Variants in GSDME observed in about 807,000 individuals in gnomAD.
GSDME encodes gasdermin-E.
In GSDME, 44 loss-of-function variants were observed where a neutral mutation model predicts 47.5. That is an observed-to-expected ratio of 0.93 (90% CI 0.73 to 1.19). The LOEUF (loss-of-function observed/expected upper bound fraction) is 1.19. Among genes scored for constraint, GSDME ranks in the 50% most tolerant of loss-of-function variants. The probability of loss-of-function intolerance (pLI) is 0.00; values close to 1 mark genes in which losing one functional copy is unlikely to be tolerated. For missense variants in GSDME, 663 were observed against 604.2 expected, an observed-to-expected ratio of 1.10 and a Z score of -1.02; for synonymous variants, 258 against 252.8, an observed-to-expected ratio of 1.02 and a Z score of -0.20.
At chr7:24,715,937 C>T (rs116124588) in intron 5 of GSDME, among the ~76,000 whole-genome samples, 226 of 152,320 alleles carry the variant, frequency 1.5e-3, no homozygotes, top group African/African-American at 5.2e-3. Flanking sequence ...TTCTGTGCCT[C>T]GCCTGTTTCT....
rs113293546 is a variant in GSDME at position 24,732,294 on chromosome 7, T to C, written c.404+12268A>G. Among the ~76,000 whole-genome samples, 5 of 152,330 alleles carry C rather than the reference T, an allele frequency of 3.3e-5. No individual in the cohort carries two copies. Among genetic ancestry groups the C allele is most frequent in the African/African-American group, 1.2e-4 (5 of 41,570 alleles). On this transcript the variant is annotated intron_variant, in intron 3 of 9. Transcript: ENST00000645220. This position sits in a 1 kb window ranked among gnomAD's most constrained non-coding sequence, Gnocchi z 4.8. ...TAGGAAGGAAGCCCAGTTCAAACTT[T>C]GTTTTTTCCAAGAAAGACATGGCTC... is the stretch of plus-strand genomic sequence containing the variant.
intron 3 of GSDME, among the ~76,000 whole-genome samples, chr7:24,719,821 T>C (rs1789709306): frequency 6.6e-6 from 1 of 151,266 alleles, no homozygotes; most frequent in East Asian, 1.9e-4. Context: ...AAAAGAAAAC[T>C]AACCAGGAAG....
chr7:24,795,526 AGGGGTACGTGACTGGG>A, the GSDME span, among the ~76,000 whole-genome samples: 1 of 152,158 alleles, frequency 6.6e-6, no homozygotes, highest in Non-Finnish European at 1.5e-5. Context: ...TTGAGCAAGC[AGGGGTACGTGACTGGG>A]GGCTGCATGC....
rs182472908 is a variant in GSDME at position 24,748,221 on chromosome 7, G to A, written c.211+1343C>T. ...ATCACCCAGGCTGGAGTGCAGTGGT[G>A]CAATCTTGGCTCACTGCAACTTCTG... On this transcript the variant is annotated intron_variant, in intron 2 of 9. Coordinates refer to ENST00000645220, the MANE Select transcript of GSDME (RefSeq NM_001127453.2). Among the ~76,000 whole-genome samples, 39 of 148,992 alleles carry A rather than the reference G, an allele frequency of 2.6e-4. No individual in the cohort carries two copies. In the East Asian group the frequency reaches 5.9e-3, roughly 23 times the overall value.
At position 24,698,945 on chromosome 7, in the gene GSDME, A is replaced by C. The variant is rs541774350; in HGVS notation, c.*81T>G. On this transcript the variant is annotated 3_prime_UTR_variant, in exon 10 of 10. Transcript: ENST00000645220. The stretch of plus-strand genomic sequence containing the variant: ...TTCTGTAAATTCATTTCATTGGTCA[A>C]CTTTTAACGTGCATATGACCTTTAA... 3.7e-4 allele frequency: 357 copies of C among 963,956 alleles called. 3 individuals are homozygous for C. In the South Asian group the frequency reaches 4.7e-3, roughly 13 times the overall value. The allele number at this position is 963,956 out of a possible 1,614,324, so 59.7% of individuals were successfully genotyped here. A position where few individuals can be genotyped will look rare whatever the true frequency, so the allele number is the denominator to read the frequency against.
the GSDME span, among the ~76,000 whole-genome samples, chr7:24,775,490 C>T: frequency 6.6e-6 from 1 of 152,200 alleles, no homozygotes; most frequent in African/African-American, 2.4e-5. Context: ...TTTGATGATC[C>T]TTCAAGCTTG....
At chr7:24,702,061 T>A (rs538418501) in intron 9 of GSDME, among the ~76,000 whole-genome samples, 1 of 152,312 alleles carries the variant, frequency 6.6e-6, no homozygotes, top group East Asian at 1.9e-4. Flanking sequence ...CTTAAAATAA[T>A]CAGACCGTGT....
chr7:24,763,967 T>C, the GSDME span, among the ~76,000 whole-genome samples: 1 of 152,250 alleles, frequency 6.6e-6, no homozygotes, highest in Non-Finnish European at 1.5e-5. The surrounding 1 kb of genome is among the most constrained non-coding windows in gnomAD (Gnocchi z 4.3). Context: ...TTCTGTTTTT[T>C]AAAACGAGCC....
At position 24,732,010 on chromosome 7, in the gene GSDME, C is replaced by T. The variant is rs1372421699; in HGVS notation, c.404+12552G>A. Among the ~76,000 whole-genome samples, 1 of 152,162 alleles carries T rather than the reference C, an allele frequency of 6.6e-6. No individual in the cohort carries two copies. Among genetic ancestry groups the T allele is most frequent in the African/African-American group, 2.4e-5 (1 of 41,428 alleles). On this transcript the variant is annotated intron_variant, in intron 3 of 9. Transcript: ENST00000645220. The surrounding 1 kb of genome is among the most constrained non-coding windows in gnomAD (Gnocchi z 4.8). ...ACCAGCATAAAGAGGTACTGCCAGC[C>T]CCTCCCATCCCAGACCTTGGGATGC...
intron 3 of GSDME, among the ~76,000 whole-genome samples, chr7:24,727,625 T>C (rs981951733): frequency 3.3e-5 from 5 of 152,240 alleles, no homozygotes; most frequent in African/African-American, 1.2e-4. Flanking sequence ...GAAAATTAGG[T>C]CCACAGACAT....
the GSDME span, among the ~76,000 whole-genome samples, chr7:24,774,083 C>A: frequency 9.9e-5 from 15 of 152,272 alleles, no homozygotes; most frequent in African/African-American, 3.4e-4. Flanking sequence ...ACAGTCTGAG[C>A]GATGAGGGAC....
At chr7:24,783,594 A>T in the GSDME span, among the ~76,000 whole-genome samples, 1 of 152,180 alleles carries the variant, frequency 6.6e-6, no homozygotes, top group Non-Finnish European at 1.5e-5. Context: ...TTACAAGCAG[A>T]TTAATGATAT....
chr7:24,707,814 G>T (rs1789177112), intron 7 of GSDME: 4 of 536,186 alleles, frequency 7.5e-6, no homozygotes, highest in Non-Finnish European at 1.3e-5. Flanking sequence ...TTCTCTCCTA[G>T]ATCCTCTGGG....
chr7:24,759,120 CGAAA>C (rs1227764393), upstream of GSDME, among the ~76,000 whole-genome samples: 3 of 152,108 alleles, frequency 2.0e-5, no homozygotes, highest in Non-Finnish European at 2.9e-5. Context: ...AGATGTTGGA[CGAAA>C]GAAAGAATCC....
chr7:24,793,353 C>CTT, the GSDME span, among the ~76,000 whole-genome samples: 1 of 152,138 alleles, frequency 6.6e-6, no homozygotes, highest in African/African-American at 2.4e-5. Context: ...ACCCCTTTAA[C>CTT]TTTAGCTAAT....
chr7:24,789,488 T>C, the GSDME span, among the ~76,000 whole-genome samples: 2 of 152,276 alleles, frequency 1.3e-5, no homozygotes, highest in African/African-American at 4.8e-5. Flanking sequence ...AAGGGGTACA[T>C]GACTGGGGGC....
Position 24,717,356 on chromosome 7 carries a change from C to T in GSDME, c.595G>A (p.Gly199Arg), listed in dbSNP as rs772922132. 2 of 1,614,168 alleles carry T rather than the reference C, an allele frequency of 1.2e-6. No homozygotes were observed. The highest frequency in any genetic ancestry group is 1.7e-5 in the Admixed American group (1 of 60,026). ...ACGTTGGAGTCCTTGGTGACATTCC[C>T]ATCCTCCGTCGCTGACACCTGTGGG... ...KTVQVSATED[G>R]NVTKDSNVVL... Residue 199 changes from glycine to arginine, a missense_variant, in exon 5 of 10, where the codon GGG becomes AGG. Physicochemically the swap from Gly to Arg is moderately radical, Grantham distance 125. Transcript: ENST00000645220.
the GSDME span, among the ~76,000 whole-genome samples, chr7:24,776,356 T>A: frequency 2.6e-5 from 4 of 152,294 alleles, no homozygotes; most frequent in African/African-American, 7.2e-5. Flanking sequence ...GAGCCAGTTC[T>A]GGGTTTAATT....
the GSDME span, among the ~76,000 whole-genome samples, chr7:24,794,916 G>A: frequency 6.6e-6 from 1 of 152,284 alleles, no homozygotes; most frequent in South Asian, 2.1e-4. Context: ...AGTCAGAACC[G>A]AAATCAAAGC....
Sources: gnomAD v4.1 joint callset for allele counts (sites outside exome capture counted in the v4.1 genomes callset) on GRCh38, gnomAD v4.1.1 for gene constraint, Gnocchi (gnomAD v3.1) non-coding constraint, MANE v1.5 for transcripts, NCBI Gene and HGNC (gene_info 2026-07-23, HGNC 2026-07-21) for gene names.